The following ITPR2 variants were observed in gnomAD, a reference collection of about 807,000 sequenced individuals.
ITPR2 encodes inositol 1,4,5-trisphosphate receptor type 2, also known as inositol 1,4,5-trisphosphate-gated calcium channel ITPR2.
In ITPR2, 207 loss-of-function variants were observed where a neutral mutation model predicts 317.1. The observed-to-expected ratio is 0.65, with a 90% CI of 0.58 to 0.73. The LOEUF is 0.73. Among genes scored for constraint, ITPR2 ranks in the 30% least tolerant of loss-of-function variants. The probability of loss-of-function intolerance (pLI) is 0.00; values close to 1 mark genes in which losing one functional copy is unlikely to be tolerated. For synonymous variants in ITPR2, 1,156 were observed against 1,149.1 expected (o/e 1.01, Z -0.12); for missense variants, 2,613 against 3,284.0 (o/e 0.80, Z 4.99).
intron 2 of ITPR2, among the ~76,000 whole-genome samples, chr12:26,786,449 T>TAAAAAAAAAAAAAAAAAAAAAA (rs59014121): frequency 8.4e-6 from 1 of 119,222 alleles, no homozygotes; most frequent in African/African-American, 3.7e-5. Flanking sequence ...GAATGATCAA[T>TAAAAAAAAAAAAAAAAAAAAAA]AAAAAAAAAA....
chr12:26,715,437 A>G lies in ITPR2; in HGVS notation c.717T>C (p.Val239=). The change falls in exon 8 of 57, where the codon GTT becomes GTC. Residue 239 remains valine, a synonymous_variant. Coordinates refer to ENST00000381340, the MANE Select transcript of ITPR2 (RefSeq NM_002223.4). The part of the protein sequence containing the change: ...YREDVLKGGD[V]VRLFHAEQEK... ...CTTGTTCCGCATGAAATAATCTAAC[A>G]ACGTCCCCCTAGCAAAAAGGTCAAG... 6.2e-7 allele frequency: 1 copy of G among 1,612,804 alleles called. No individual in the cohort carries two copies.
chr12:26,657,967 C>T, intron 17 of ITPR2, 44 bp downstream of exon 17: 2 of 1,601,928 alleles, frequency 1.2e-6, no homozygotes, highest in Non-Finnish European at 8.5e-7. Context: ...ACAGTGCTTA[C>T]AAATAATCAA....
intron 1 of ITPR2, among the ~76,000 whole-genome samples, chr12:26,808,608 T>G (rs1950678126): frequency 6.8e-6 from 1 of 148,104 alleles, no homozygotes; most frequent in South Asian, 2.1e-4. Flanking sequence ...GGGTCCAAGC[T>G]TGGGTCCAAG....
rs756944257 is a variant in ITPR2, at chr12:26,475,363, T to C, written c.6275A>G (p.Asp2092Gly). The stretch of plus-strand genomic sequence containing the variant: ...AGAAACACCATCATCTCCACCCTCA[T>C]CATCCCCATGGTCACATTCCAATCC... ...NQGLECDHGD[D>G]EGGDDGVSPK... is the part of the protein sequence containing the mutation. The change falls in exon 45 of 57, where the codon GAT becomes GGT. Residue 2092 changes from aspartate to glycine, a missense_variant. Around this residue, in one of 9 missense-constraint regions of ITPR2, gnomAD observed 926 missense variants for 1,072.8 expected, o/e 0.86. Transcript: ENST00000381340. The C allele has an allele frequency of 6.2e-7, 1 of 1,613,672 alleles. No homozygotes were observed. Among genetic ancestry groups the C allele is most frequent in the Non-Finnish European group, 8.5e-7 (1 of 1,179,756 alleles).
chr12:26,783,555 T>C (rs1391998923), intron 2 of ITPR2, among the ~76,000 whole-genome samples: 1 of 152,128 alleles, frequency 6.6e-6, no homozygotes, highest in East Asian at 1.9e-4. Flanking sequence ...AGAAAAATGA[T>C]ACTAAGAAGA....
At position 26,748,954 on chromosome 12, in the gene ITPR2, A is replaced by G. The variant is rs1460275342; in HGVS notation, c.164-23189T>C. Reference sequence around the variant, plus strand: ...AGATAACATTTAAAAATGAAAGTCTAAAGAGCGTGAAGGAAATGGGCAAAA... The same window carrying G: ...AGATAACATTTAAAAATGAAAGTCTGAAGAGCGTGAAGGAAATGGGCAAAA... On this transcript the variant is annotated intron_variant, in intron 2 of 56. Transcript: ENST00000381340. 2.6e-5 allele frequency among the ~76,000 whole-genome samples: 4 copies of G among 152,254 alleles called. No individual in the cohort carries two copies. In the South Asian group the frequency reaches 8.3e-4, roughly 31 times the overall value.
At chr12:26,585,221 T>C (rs1316806376) in intron 32 of ITPR2, among the ~76,000 whole-genome samples, 1 of 152,226 alleles carries the variant, frequency 6.6e-6, no homozygotes, top group African/African-American at 2.4e-5. Context: ...ATATTTTACA[T>C]AATTGAAACC....
chr12:26,461,627 AATAT>A (rs754482854), intron 45 of ITPR2, among the ~76,000 whole-genome samples: 2,674 of 47,318 alleles, frequency 0.057, 30 homozygotes, highest in East Asian at 0.11. Context: ...AAAGCATATA[AATAT>A]ATATATATAT....
intron 43 of ITPR2, among the ~76,000 whole-genome samples, chr12:26,479,886 C>A (rs1942507303): frequency 1.3e-5 from 2 of 152,020 alleles, no homozygotes; most frequent in Non-Finnish European, 1.5e-5. Flanking sequence ...TCAGCCTGGG[C>A]AACATAGTGA....
At position 26,680,129 on chromosome 12, in the gene ITPR2, A is replaced by G. The variant is rs376917248; in HGVS notation, c.1409+1745T>C. 7.9e-5 allele frequency among the ~76,000 whole-genome samples: 12 copies of G among 152,234 alleles called. No homozygotes were observed. In the East Asian group the frequency reaches 1.7e-3, roughly 22 times the overall value. The stretch of plus-strand genomic sequence containing the variant: ...CTTATCCCATATACTATACATGTCT[A>G]TTGACAATCTGGGAATTTAAAGGTG... On this transcript the variant is annotated intron_variant, in intron 13 of 56. Transcript: ENST00000381340.
At chr12:26,528,556 T>C (rs1943865846) in intron 37 of ITPR2, among the ~76,000 whole-genome samples, 1 of 152,238 alleles carries the variant, frequency 6.6e-6, no homozygotes, top group African/African-American at 2.4e-5. Flanking sequence ...ACTCTTTACA[T>C]TGTACAAGAA....
chr12:26,403,655 A>G (rs1940251285), intron 52 of ITPR2, among the ~76,000 whole-genome samples: 1 of 152,204 alleles, frequency 6.6e-6, no homozygotes, highest in Non-Finnish European at 1.5e-5. Flanking sequence ...CAGAAGTAGC[A>G]GTGATGCAAA....
intron 37 of ITPR2, among the ~76,000 whole-genome samples, chr12:26,540,037 T>A (rs1274736596): frequency 1.3e-5 from 2 of 152,194 alleles, no homozygotes; most frequent in Admixed American, 1.3e-4. Flanking sequence ...ATCAACAGTC[T>A]CTGCTTTCAA....
intron 1 of ITPR2, among the ~76,000 whole-genome samples, chr12:26,797,575 A>G (rs181213459): frequency 2.9e-4 from 44 of 152,202 alleles, no homozygotes; most frequent in African/African-American, 9.1e-4. Context: ...AATAAAATGA[A>G]TTTGGGGAAA....
At chr12:26,557,493 G>A (rs1442634913) in intron 35 of ITPR2, among the ~76,000 whole-genome samples, 1 of 152,240 alleles carries the variant, frequency 6.6e-6, no homozygotes, top group Non-Finnish European at 1.5e-5. Context: ...TACATGTGGT[G>A]TGTGGGGAGG....
At chr12:26,630,418 TGA>T (rs952683751) in intron 22 of ITPR2, among the ~76,000 whole-genome samples, 1 of 139,574 alleles carries the variant, frequency 7.2e-6, no homozygotes, top group Non-Finnish European at 1.5e-5. Context: ...AGAGAGAGGC[TGA>T]GAGAGATACA....
chr12:26,448,001 T>TAA (rs139343922), intron 45 of ITPR2, among the ~76,000 whole-genome samples: 83,410 of 124,794 alleles, frequency 0.67, 25,837 homozygotes, highest in Non-Finnish European at 0.73. Flanking sequence ...TGACTTTTTT[T>TAA]TAAAAAAAAA....
At chr12:26,512,208 C>T (rs1943371680) in intron 37 of ITPR2, among the ~76,000 whole-genome samples, 1 of 147,928 alleles carries the variant, frequency 6.8e-6, no homozygotes, top group African/African-American at 2.5e-5. Context: ...AAAAAAGCTG[C>T]AGATCTCCCT....
At chr12:26,550,381 G>T in intron 36 of ITPR2, 26 bp from the exon 37 acceptor site, 1 of 926,542 alleles carries the variant, frequency 1.1e-6, no homozygotes, top group South Asian at 1.4e-5. Context: ...GAGACCTTTA[G>T]AAAGACAGTG....
Sources: gnomAD v4.1 joint callset for allele counts (sites outside exome capture counted in the v4.1 genomes callset) on GRCh38, gnomAD v4.1.1 for gene constraint, gnomAD v4.1.1 regional missense constraint, MANE v1.5 for transcripts, NCBI Gene and HGNC (gene_info 2026-07-23, HGNC 2026-07-21) for gene names.